Variants in LGMN observed in about 807,000 individuals in gnomAD.
LGMN encodes legumain.
Under a neutral mutation model 56.8 loss-of-function variants are expected in LGMN, and 36 were observed. That is an observed-to-expected ratio of 0.63 (90% CI 0.49 to 0.84). LGMN has a LOEUF of 0.84. Ranked by LOEUF, LGMN falls within the 40% of genes least tolerant of loss-of-function variation. The probability of loss-of-function intolerance (pLI) is 0.00; values close to 1 mark genes in which losing one functional copy is unlikely to be tolerated. For synonymous variants in LGMN, 199 were observed against 210.1 expected (o/e 0.95, Z 0.46); for missense variants, 446 against 556.1 (o/e 0.80, Z 1.99).
chr14:92,710,608 A>G (rs916481672), intron 10 of LGMN, among the ~76,000 whole-genome samples: 4 of 152,230 alleles, frequency 2.6e-5, no homozygotes, highest in African/African-American at 9.6e-5. Context: ...CAGTTCTAAA[A>G]TCAGCAATAC....
intron 5 of LGMN, 51 bp downstream of exon 5, chr14:92,716,085 C>A (rs375753375): frequency 5.7e-6 from 7 of 1,229,116 alleles, no homozygotes; most frequent in East Asian, 2.3e-5. Flanking sequence ...ATTCTCTATA[C>A]GGGGGTCCCA....
Position 92,746,918 on chromosome 14 carries a change from C to T in LGMN, c.-30+1571G>A, listed in dbSNP as rs147701992. ...GGGCGTGGTGGCGGGCGCCTGTAGT[C>T]CTAGCTACTCGGGAGGCCGAGGCAG... On this transcript the variant is annotated intron_variant, in intron 1 of 13. Coordinates refer to ENST00000334869, the MANE Select transcript of LGMN (RefSeq NM_005606.7). Among the ~76,000 whole-genome samples the T allele has an allele frequency of 3.6e-3, 551 of 152,050 alleles. 4 individuals are homozygous for T. Among genetic ancestry groups the T allele is most frequent in the African/African-American group, 0.013 (527 of 41,454 alleles).
intron 11 of LGMN, among the ~76,000 whole-genome samples, chr14:92,708,822 A>C (rs1889576748): frequency 7.3e-6 from 1 of 137,624 alleles, no homozygotes; most frequent in Non-Finnish European, 1.5e-5. Flanking sequence ...ACACCACTGC[A>C]TTCCAGCCTG....
Position 92,703,913 on chromosome 14 carries a change from T to G in LGMN, c.*406A>C. ...ATATTTTCTAAAAACAGTTTTCCAT[T>G]TGGGGCTTGCGGCCCTCTTCAATAA... On this transcript the variant is annotated 3_prime_UTR_variant, in exon 14 of 14. Coordinates refer to ENST00000334869, the MANE Select transcript of LGMN (RefSeq NM_005606.7). The G allele has an allele frequency of 3.9e-6, 2 of 507,252 alleles. No individual in the cohort carries two copies. Among genetic ancestry groups the G allele is most frequent in the Non-Finnish European group, 7.0e-6 (2 of 286,142 alleles). 31.4% of individuals were successfully genotyped at this position (507,252 alleles called of 1,614,324 possible). A position where few individuals can be genotyped will look rare whatever the true frequency, so the allele number is the denominator to read the frequency against.
intron 2 of LGMN, among the ~76,000 whole-genome samples, chr14:92,723,160 C>T: frequency 6.6e-6 from 1 of 152,060 alleles, no homozygotes; most frequent in Non-Finnish European, 1.5e-5. Context: ...GATGCTACTG[C>T]CTCAGCCTCC....
chr14:92,732,836 T>C, intron 1 of LGMN, 21 bp from the exon 2 acceptor site: 10 of 1,593,548 alleles, frequency 6.3e-6, no homozygotes, highest in Non-Finnish European at 8.6e-6. Flanking sequence ...AAACACAGAG[T>C]CAAGTACAAA....
chr14:92,744,108 C>T (rs1357471451), intron 1 of LGMN, among the ~76,000 whole-genome samples: 1 of 151,558 alleles, frequency 6.6e-6, no homozygotes, highest in Non-Finnish European at 1.5e-5. Context: ...GAGCCGAGAT[C>T]GCGCCACTGC....
rs767168500 is a variant in LGMN, at chr14:92,709,882, C to A, written c.820-10G>T. 1 of 1,591,716 alleles carries A rather than the reference C, an allele frequency of 6.3e-7. No individual in the cohort carries two copies. Among genetic ancestry groups the A allele is most frequent in the Non-Finnish European group, 8.6e-7 (1 of 1,166,782 alleles). On this transcript the variant is annotated splice_polypyrimidine_tract_variant and intron_variant, in intron 10 of 13. Transcript: ENST00000334869. Reference sequence around the variant, plus strand: ...TCATGGTGGAGATTGTCTGGGGAGACAGACAGCAAGAGAGAGCGAGAGAGA... The same window carrying A: ...TCATGGTGGAGATTGTCTGGGGAGAAAGACAGCAAGAGAGAGCGAGAGAGA...
At chr14:92,746,371 AAG>A (rs899532124) in intron 1 of LGMN, among the ~76,000 whole-genome samples, 2 of 152,224 alleles carry the variant, frequency 1.3e-5, no homozygotes, top group African/African-American at 4.8e-5. Flanking sequence ...GTTAAAAAAA[AAG>A]AATATGCTGG....
In LGMN at chr14:92,719,248, ACCACCACCACCGCCACCGCCG is replaced by A. The variant is rs1566924099; in HGVS notation, c.139-425_139-405del. Among the ~76,000 whole-genome samples the A allele has an allele frequency of 2.3e-3, 52 of 22,516 alleles. 1 individual carries two copies. The highest frequency in any genetic ancestry group is 0.012 in the East Asian group (9 of 722). The allele number at this position is 22,516 out of a possible 152,430, so 14.8% of individuals were successfully genotyped here. A position where few individuals can be genotyped will look rare whatever the true frequency, so the allele number is the denominator to read the frequency against. ...CACCACCGCCACCGCCACCACCGCCACCACCACCACCGCCACCGCCGCCGCCGCCACCGCCGCCGCCGCCGC... is the reference window on the plus strand; with the variant it reads ...CACCACCGCCACCGCCACCACCGCCACCGCCGCCACCGCCGCCGCCGCCGC... On this transcript the variant is annotated intron_variant, in intron 2 of 13. Coordinates refer to ENST00000334869, the MANE Select transcript of LGMN (RefSeq NM_005606.7).
intron 2 of LGMN, among the ~76,000 whole-genome samples, chr14:92,729,607 C>G (rs188800762): frequency 6.6e-6 from 1 of 152,142 alleles, no homozygotes; most frequent in East Asian, 1.9e-4. Context: ...TTATTTGTGC[C>G]TGGTGTGCCA....
Position 92,704,368 on chromosome 14 carries a change from G to C in LGMN, c.1260-7C>G, listed in dbSNP as rs1320422372. 6.3e-7 allele frequency: 1 copy of C among 1,595,046 alleles called. No individual in the cohort carries two copies. Among genetic ancestry groups the C allele is most frequent in the East Asian group, 2.2e-5 (1 of 44,534 alleles). On this transcript the variant is annotated splice_region_variant and splice_polypyrimidine_tract_variant and intron_variant, in intron 13 of 13. Coordinates refer to ENST00000334869, the MANE Select transcript of LGMN (RefSeq NM_005606.7). The stretch of plus-strand genomic sequence containing the variant: ...GTCCATGGACAATTTTATCCTGCGA[G>C]AGACAGGAAGGAGAACTTGGTGAAC...
intron 1 of LGMN, among the ~76,000 whole-genome samples, chr14:92,739,061 T>C (rs1024620094): frequency 6.6e-6 from 1 of 151,270 alleles, no homozygotes; most frequent in Non-Finnish European, 1.5e-5. Context: ...ACTAACACTA[T>C]TTTGGGAAAC....
chr14:92,743,336 C>T (rs968751932), intron 1 of LGMN, among the ~76,000 whole-genome samples: 1 of 151,968 alleles, frequency 6.6e-6, no homozygotes, highest in African/African-American at 2.4e-5. Context: ...TCCATCTCTA[C>T]TAAAAATACA....
chr14:92,719,363 CCACCACCACCAA>C (rs1335780769), intron 2 of LGMN, among the ~76,000 whole-genome samples: 30 of 142,604 alleles, frequency 2.1e-4, no homozygotes, highest in Non-Finnish European at 2.7e-4. Flanking sequence ...ACCAACACCA[CCACCACCACCAA>C]CACCGCCACC....
In LGMN at chr14:92,704,181, TCCTGGAGCGAGC is replaced by T. The variant is rs142727469; in HGVS notation, c.*126_*137del. The T allele has an allele frequency of 5.9e-3, 6,072 of 1,025,390 alleles. 250 individuals are homozygous for T. The African/African-American group carries it at 0.085, about 14-fold the overall frequency. 63.5% of individuals were successfully genotyped at this position (1,025,390 alleles called of 1,614,324 possible). A position where few individuals can be genotyped will look rare whatever the true frequency, so the allele number is the denominator to read the frequency against. ...CGAGCAAGTCATCTTGTGAAGAAGG[TCCTGGAGCGAGC>T]CCTGGAGCGGGGGCTCCCCAGGAGG... On this transcript the variant is annotated 3_prime_UTR_variant, in exon 14 of 14. Coordinates refer to ENST00000334869, the MANE Select transcript of LGMN (RefSeq NM_005606.7).
chr14:92,748,271 C>T (rs891653054), intron 1 of LGMN, among the ~76,000 whole-genome samples: 1 of 152,092 alleles, frequency 6.6e-6, no homozygotes, highest in Non-Finnish European at 1.5e-5. Flanking sequence ...GAAACCTCCA[C>T]CCCCAGCCCC....
chr14:92,704,268 A>T lies in LGMN; in HGVS notation c.*51T>A. 1 of 1,613,708 alleles carries T rather than the reference A, an allele frequency of 6.2e-7. No homozygotes were observed. The highest frequency in any genetic ancestry group is 8.5e-7 in the Non-Finnish European group (1 of 1,179,682). On this transcript the variant is annotated 3_prime_UTR_variant, in exon 14 of 14. Transcript: ENST00000334869. ...TCCACCTCTCCAGTCTCTGATCAGCACACAGTCGGTGGGGCGCTCACACTT... is the reference window on the plus strand; with the variant it reads ...TCCACCTCTCCAGTCTCTGATCAGCTCACAGTCGGTGGGGCGCTCACACTT...
At chr14:92,731,904 A>T (rs896418557) in intron 2 of LGMN, among the ~76,000 whole-genome samples, 1 of 152,218 alleles carries the variant, frequency 6.6e-6, no homozygotes, top group African/African-American at 2.4e-5. Flanking sequence ...ACCATTTTAC[A>T]TCCCACAGGG....
Sources: allele counts gnomAD v4.1 joint callset (sites outside exome capture counted in the v4.1 genomes callset), GRCh38; gene constraint gnomAD v4.1.1; transcripts MANE v1.5; gene names NCBI Gene and HGNC (gene_info 2026-07-23, HGNC 2026-07-21).